Variants in TIAM1 observed in about 807,000 individuals in gnomAD.
The protein encoded by TIAM1 is TIAM Rac1 associated GEF 1, also known as rho guanine nucleotide exchange factor TIAM1.
In TIAM1, 65 loss-of-function variants were observed where a neutral mutation model predicts 163.5. That is an observed-to-expected ratio of 0.40 (90% confidence interval 0.33 to 0.49). The LOEUF is 0.49. Ranked by LOEUF, TIAM1 falls within the 20% of genes least tolerant of loss-of-function variation. The pLI is 0.77. For missense variants in TIAM1, 1,789 were observed against 2,044.7 expected, an observed-to-expected ratio of 0.87 and a Z score of 2.41; for synonymous variants, 833 against 810.1, an observed-to-expected ratio of 1.03 and a Z score of -0.48.
chr21:31,188,650 T>C (rs972019452), intron 13 of TIAM1, among the ~76,000 whole-genome samples: 12 of 152,138 alleles, frequency 7.9e-5, no homozygotes, highest in South Asian at 2.1e-4. Context: ...TCATAGCTCA[T>C]TGTAGCTTCA....
intron 2 of TIAM1, among the ~76,000 whole-genome samples, chr21:31,309,426 C>T (rs2074839841): frequency 6.6e-6 from 1 of 152,140 alleles, no homozygotes; most frequent in South Asian, 2.1e-4. Flanking sequence ...CCACTGCATT[C>T]CATCCTGGGC....
chr21:31,448,525 G>A (rs9980331), intron 2 of TIAM1, among the ~76,000 whole-genome samples: 80 of 151,316 alleles, frequency 5.3e-4, no homozygotes, highest in African/African-American at 1.8e-3. Context: ...AGAATTGCTC[G>A]AGCCTAGGCA....
intron 4 of TIAM1, among the ~76,000 whole-genome samples, chr21:31,265,718 C>T (rs2146812417): frequency 6.6e-6 from 1 of 152,312 alleles, no homozygotes; most frequent in South Asian, 2.1e-4. Context: ...TGTTGAAGAA[C>T]TAAGATGTAG....
chr21:31,121,832 T>A (rs999476653), intron 27 of TIAM1, among the ~76,000 whole-genome samples: 3 of 152,096 alleles, frequency 2.0e-5, no homozygotes, highest in African/African-American at 7.2e-5. Context: ...ACCACACACA[T>A]ACACGAGACT....
At chr21:31,215,568 G>GAAAAAAAAAAA (rs398040071) in intron 9 of TIAM1, among the ~76,000 whole-genome samples, 2 of 75,528 alleles carry the variant, frequency 2.6e-5, no homozygotes, top group African/African-American at 4.5e-5. Context: ...TCTCAAAAAA[G>GAAAAAAAAAAA]AAAAAAAAAA....
chr21:31,298,423 G>A (rs757460959), intron 2 of TIAM1, among the ~76,000 whole-genome samples: 5 of 152,250 alleles, frequency 3.3e-5, no homozygotes, highest in South Asian at 4.2e-4. Context: ...GGTGACTACC[G>A]CGGGAAATAA....
chr21:31,473,836 C>T lies in TIAM1; in HGVS notation c.-421-9801G>A, dbSNP rs16988285. 3.2e-3 allele frequency among the ~76,000 whole-genome samples: 490 copies of T among 152,180 alleles called. 2 individuals carry two copies. Among genetic ancestry groups the T allele is most frequent in the Non-Finnish European group, 5.4e-3 (366 of 68,008 alleles). On this transcript the variant is annotated intron_variant, in intron 1 of 28. Transcript: ENST00000286827. ...CCTCCTCTGTCACCTTAGCTGGTGC[C>T]GCCCTGCACTGGAGACTTGCAGAAT...
intron 1 of TIAM1, among the ~76,000 whole-genome samples, chr21:31,478,614 T>C (rs138708131): frequency 6.4e-4 from 97 of 152,370 alleles, no homozygotes; most frequent in Non-Finnish European, 1.1e-3. Flanking sequence ...AGCTTCTTTT[T>C]GTTTTTCTTT....
upstream of TIAM1, among the ~76,000 whole-genome samples, chr21:31,347,278 A>C (rs1022763219): frequency 1.3e-5 from 2 of 152,170 alleles, no homozygotes; most frequent in Non-Finnish European, 1.5e-5. Context: ...GATAGTGATG[A>C]AAATACAGCA....
At chr21:31,250,287 T>C (rs988522107) in intron 5 of TIAM1, among the ~76,000 whole-genome samples, 2 of 152,148 alleles carry the variant, frequency 1.3e-5, no homozygotes, top group Non-Finnish European at 2.9e-5. Flanking sequence ...CTATTTTTGA[T>C]AGGTGGGAGG....
chr21:31,145,779 G>A (rs1171946560), intron 20 of TIAM1, among the ~76,000 whole-genome samples: 1 of 149,266 alleles, frequency 6.7e-6, no homozygotes, highest in South Asian at 2.1e-4. Context: ...CCACAAAAAG[G>A]TATACGGTAA....
chr21:31,443,302 ATAT>A (rs1314514068), intron 2 of TIAM1, among the ~76,000 whole-genome samples: 1 of 152,174 alleles, frequency 6.6e-6, no homozygotes, highest in African/African-American at 2.4e-5. Context: ...AGCTCCCCAG[ATAT>A]TATAAAAGCA....
At chr21:31,135,852 G>A in intron 23 of TIAM1, 81 bp downstream of exon 23, 1 of 1,283,586 alleles carries the variant, frequency 7.8e-7, no homozygotes, top group Admixed American at 1.7e-5. Flanking sequence ...TTAATCAATT[G>A]GGTCTTGAAA....
intron 2 of TIAM1, among the ~76,000 whole-genome samples, chr21:31,302,722 G>GA (rs2074551776): frequency 6.6e-6 from 1 of 152,178 alleles, no homozygotes; most frequent in Admixed American, 6.5e-5. Flanking sequence ...GCTTTCTGTA[G>GA]AAAAAGATGA....
intron 1 of TIAM1, among the ~76,000 whole-genome samples, chr21:31,520,148 T>C (rs913687811): frequency 6.6e-6 from 1 of 152,032 alleles, no homozygotes. Flanking sequence ...CTGACCAACA[T>C]GGAAAAACCC....
chr21:31,305,206 C>T (rs845953), intron 2 of TIAM1, among the ~76,000 whole-genome samples: 90,374 of 151,974 alleles, frequency 0.59, 27,525 homozygotes, highest in African/African-American at 0.72. Flanking sequence ...AAAAAATCTA[C>T]CTATAAACAA....
intron 1 of TIAM1, among the ~76,000 whole-genome samples, chr21:31,543,221 A>T (rs1482761185): frequency 6.6e-6 from 1 of 152,200 alleles, no homozygotes; most frequent in East Asian, 1.9e-4. Flanking sequence ...ATGGGCCCAT[A>T]GGGAAGTTGC....
rs745831216 is a variant in TIAM1 at position 31,182,554 on chromosome 21, G to T, written c.2754C>A (p.Pro918=). 1 of 1,614,114 alleles carries T rather than the reference G, an allele frequency of 6.2e-7. No individual in the cohort carries two copies. ...SSMLKDFLSQ[P]SLGLLVRTYP... ...AGGTCCTCACCAGGAGGCCCAGCGA[G>T]GGCTGTGAGAGGAAATCTTTGAGCA... is the stretch of plus-strand genomic sequence containing the variant. The change falls in exon 15 of 28, where the codon CCC becomes CCA. Residue 918 remains proline, a synonymous_variant. Coordinates refer to ENST00000541036, the MANE Select transcript of TIAM1 (RefSeq NM_001353694.2).
intron 2 of TIAM1, among the ~76,000 whole-genome samples, chr21:31,386,825 T>C (rs2076880154): frequency 6.6e-6 from 1 of 152,234 alleles, no homozygotes; most frequent in Non-Finnish European, 1.5e-5. Flanking sequence ...CTTTTGCTAT[T>C]GTTAAAAGAA....
Sources: gnomAD v4.1 joint callset for allele counts (sites outside exome capture counted in the v4.1 genomes callset) on GRCh38, gnomAD v4.1.1 for gene constraint, MANE v1.5 for transcripts, NCBI Gene and HGNC (gene_info 2026-07-23, HGNC 2026-07-21) for gene names.